Variants in RAD51B observed in about 807,000 individuals in gnomAD.
RAD51B encodes DNA repair protein RAD51 homolog 2.
RAD51B carries 38 observed loss-of-function variants against 42.2 expected under a neutral mutation model. That is an observed-to-expected ratio of 0.90 (90% confidence interval 0.70 to 1.18). The LOEUF (loss-of-function observed/expected upper bound fraction) is 1.18. RAD51B is among the 50% of genes most tolerant of loss of function. The probability of loss-of-function intolerance (pLI) is 0.00; values close to 1 mark genes in which losing one functional copy is unlikely to be tolerated. For missense variants in RAD51B, 373 were observed against 400.7 expected (o/e 0.93, Z 0.59); for synonymous variants, 154 against 145.2 (o/e 1.06, Z -0.43).
At chr14:68,396,090 C>T (rs748084926) in intron 8 of RAD51B, among the ~76,000 whole-genome samples, 9 of 152,128 alleles carry the variant, frequency 5.9e-5, no homozygotes, top group Non-Finnish European at 1.0e-4. Context: ...AGCAGGGACA[C>T]GGGCACCGGC....
At chr14:68,134,581 A>G (rs2077969451) in intron 7 of RAD51B, among the ~76,000 whole-genome samples, 1 of 152,156 alleles carries the variant, frequency 6.6e-6, no homozygotes, top group South Asian at 2.1e-4. Context: ...GAGTGATCCA[A>G]AATCATTTAG....
intron 7 of RAD51B, among the ~76,000 whole-genome samples, chr14:68,108,088 C>T (rs10137330): frequency 0.1 from 15,151 of 151,708 alleles, 2,254 homozygotes; most frequent in African/African-American, 0.32. Context: ...TCAACAGCAT[C>T]AGTCATTGAT....
At chr14:68,003,597 A>G (rs1276419708) in intron 7 of RAD51B, among the ~76,000 whole-genome samples, 1 of 152,204 alleles carries the variant, frequency 6.6e-6, no homozygotes, top group African/African-American at 2.4e-5. Context: ...GTCTTGTGGC[A>G]GTTTTCAAGG....
At chr14:68,132,299 A>G (rs975439670) in intron 7 of RAD51B, among the ~76,000 whole-genome samples, 2 of 152,244 alleles carry the variant, frequency 1.3e-5, no homozygotes, top group Admixed American at 6.5e-5. Context: ...AAGGAAATAT[A>G]TGCTGTACAG....
chr14:68,392,484 T>C (rs2083787258), intron 8 of RAD51B, among the ~76,000 whole-genome samples: 1 of 152,142 alleles, frequency 6.6e-6, no homozygotes, highest in African/African-American at 2.4e-5. Flanking sequence ...TGATGCCCTA[T>C]AGGACTCTCT....
At chr14:68,038,591 ATTTC>A (rs1417831087) in intron 7 of RAD51B, among the ~76,000 whole-genome samples, 1 of 152,166 alleles carries the variant, frequency 6.6e-6, no homozygotes, top group African/African-American at 2.4e-5. Context: ...TTTTATTGTC[ATTTC>A]TTTAACACAC....
At chr14:68,494,337 T>A (rs942176163) in intron 10 of RAD51B, among the ~76,000 whole-genome samples, 2 of 149,580 alleles carry the variant, frequency 1.3e-5, no homozygotes, top group African/African-American at 4.9e-5. Context: ...AGAAAAAGGG[T>A]GGGGGTAGTT....
intron 9 of RAD51B, among the ~76,000 whole-genome samples, chr14:68,429,165 T>C (rs947608494): frequency 6.6e-6 from 1 of 152,170 alleles, no homozygotes; most frequent in Non-Finnish European, 1.5e-5. Context: ...TGATGGACAT[T>C]TGGGTTGGTT....
intron 4 of RAD51B, among the ~76,000 whole-genome samples, chr14:67,851,012 A>G (rs1392476530): frequency 6.6e-6 from 1 of 152,070 alleles, no homozygotes; most frequent in African/African-American, 2.4e-5. Context: ...AGCTTAATAT[A>G]GGTAGCTGTG....
chr14:67,935,210 A>G (rs1013763178), intron 7 of RAD51B, among the ~76,000 whole-genome samples: 2 of 152,220 alleles, frequency 1.3e-5, no homozygotes, highest in Non-Finnish European at 2.9e-5. Context: ...TGGATATGCC[A>G]GAAAGACCAT....
At chr14:68,274,572 G>A (rs2081184527) in intron 7 of RAD51B, among the ~76,000 whole-genome samples, 1 of 152,046 alleles carries the variant, frequency 6.6e-6, no homozygotes, top group Non-Finnish European at 1.5e-5. Flanking sequence ...CCTAAATAAG[G>A]TCCATAAATT....
intron 11 of RAD51B, among the ~76,000 whole-genome samples, chr14:68,673,369 C>A (rs1204605364): frequency 6.7e-6 from 1 of 150,064 alleles, no homozygotes; most frequent in Non-Finnish European, 1.5e-5. Flanking sequence ...TACATAAACA[C>A]ACTGTACACA....
chr14:68,171,099 G>T (rs2078862906), intron 7 of RAD51B, among the ~76,000 whole-genome samples: 1 of 152,142 alleles, frequency 6.6e-6, no homozygotes, highest in Admixed American at 6.5e-5. Context: ...GGGTAGACAG[G>T]TTCTCAGCCT....
chr14:68,511,553 C>G (rs150826739), intron 10 of RAD51B, among the ~76,000 whole-genome samples: 225 of 152,320 alleles, frequency 1.5e-3, no homozygotes, highest in African/African-American at 5.3e-3. Flanking sequence ...TCATGGAAAA[C>G]ATGAAAAATA....
intron 11 of RAD51B, among the ~76,000 whole-genome samples, chr14:68,677,849 C>G (rs940271949): frequency 3.3e-5 from 5 of 152,166 alleles, no homozygotes; most frequent in African/African-American, 9.7e-5. Flanking sequence ...CCATTGCAGG[C>G]TGATAAGATG....
intron 7 of RAD51B, among the ~76,000 whole-genome samples, chr14:68,132,256 C>T (rs1426784299): frequency 1.3e-5 from 2 of 152,094 alleles, no homozygotes; most frequent in African/African-American, 4.8e-5. Flanking sequence ...GGTAATTTTC[C>T]TCAAAGATTT....
chr14:68,461,284 A>T (rs2085837926), intron 9 of RAD51B, among the ~76,000 whole-genome samples: 1 of 148,714 alleles, frequency 6.7e-6, no homozygotes, highest in African/African-American at 2.5e-5. Context: ...GCCCGCACGG[A>T]TACCCTGTCC....
chr14:68,198,356 C>G (rs1032635516), intron 7 of RAD51B, among the ~76,000 whole-genome samples: 1 of 152,070 alleles, frequency 6.6e-6, no homozygotes, highest in African/African-American at 2.4e-5. Context: ...TATACTAAGT[C>G]TTAATATCAG....
chr14:68,071,186 A>G (rs2076734862), intron 7 of RAD51B, among the ~76,000 whole-genome samples: 1 of 152,112 alleles, frequency 6.6e-6, no homozygotes, highest in Non-Finnish European at 1.5e-5. Flanking sequence ...GGAGTTTCCC[A>G]GGTATAGTAT....
Sources: allele counts gnomAD v4.1 joint callset (sites outside exome capture counted in the v4.1 genomes callset), GRCh38; gene constraint gnomAD v4.1.1; transcripts MANE v1.5; gene names NCBI Gene and HGNC (gene_info 2026-07-23, HGNC 2026-07-21).